Variants in NUP133 observed in about 807,000 individuals in gnomAD.
The protein encoded by NUP133 is nuclear pore complex protein Nup133.
In NUP133, 66 loss-of-function variants were observed where a neutral mutation model predicts 146.2. The ratio of observed to expected loss-of-function variants is 0.45; its 90% CI spans 0.37 to 0.55. NUP133 has a LOEUF of 0.55. Among genes scored for constraint, NUP133 ranks in the 20% least tolerant of loss-of-function variants. NUP133 has a pLI of 0.00. For synonymous variants in NUP133, 521 were observed against 498.8 expected, an observed-to-expected ratio of 1.04 and a Z score of -0.59; for missense variants, 1,277 against 1,374.8, an observed-to-expected ratio of 0.93 and a Z score of 1.12.
chr1:229,502,109 G>GA lies in NUP133; in HGVS notation c.302-8dup. The stretch of plus-strand genomic sequence containing the variant: ...ATGGTCAGCTGGTCATCGACTAAAG[G>GA]AAAAAATGAGGTGGGTGATTAATCT... On this transcript the variant is annotated splice_region_variant and splice_polypyrimidine_tract_variant and intron_variant, in intron 2 of 25. Coordinates refer to ENST00000261396, the MANE Select transcript of NUP133 (RefSeq NM_018230.3). 1.3e-6 allele frequency: 2 copies of GA among 1,596,610 alleles called. No individual in the cohort carries two copies. Among genetic ancestry groups the GA allele is most frequent in the Non-Finnish European group, 1.7e-6 (2 of 1,165,872 alleles).
In NUP133 at chr1:229,458,314, A is replaced by T; in HGVS notation, c.2845-18T>A. On this transcript the variant is annotated intron_variant, in intron 20 of 25. Coordinates refer to ENST00000261396, the MANE Select transcript of NUP133 (RefSeq NM_018230.3). ...GCATGAGCCTACAATAAAATATGCAAACCATCGTAAGATACTGAGTACCAA... is the reference window on the plus strand; with the variant it reads ...GCATGAGCCTACAATAAAATATGCATACCATCGTAAGATACTGAGTACCAA... The T allele has an allele frequency of 6.2e-7, 1 of 1,608,742 alleles. No homozygotes were observed. Among genetic ancestry groups the T allele is most frequent in the South Asian group, 1.1e-5 (1 of 90,562 alleles).
intron 21 of NUP133, among the ~76,000 whole-genome samples, chr1:229,455,611 G>C (rs1660542793): frequency 6.6e-6 from 1 of 151,946 alleles, no homozygotes; most frequent in African/African-American, 2.4e-5. Flanking sequence ...CAAATCTACA[G>C]AAAAAATTTT....
At chr1:229,486,321 C>T (rs1457014101) in intron 11 of NUP133, 50 bp downstream of exon 11, 2 of 1,498,032 alleles carry the variant, frequency 1.3e-6, no homozygotes, top group Non-Finnish European at 1.8e-6. Flanking sequence ...GACACTATCT[C>T]TAAAAAATAA....
intron 12 of NUP133, among the ~76,000 whole-genome samples, chr1:229,482,200 T>C (rs940306459): frequency 1.3e-5 from 2 of 152,050 alleles, no homozygotes; most frequent in Non-Finnish European, 2.9e-5. Flanking sequence ...GCTCAGTAGA[T>C]CACGAGGTAC....
intron 15 of NUP133, among the ~76,000 whole-genome samples, chr1:229,469,160 T>G (rs1296720954): frequency 6.6e-6 from 1 of 152,214 alleles, no homozygotes; most frequent in Admixed American, 6.5e-5. Flanking sequence ...AATTCCAAAT[T>G]TCACAGAGCT....
At chr1:229,444,796 G>A (rs577937120) in intron 25 of NUP133, 118 bp downstream of exon 25, 20 of 657,374 alleles carry the variant, frequency 3.0e-5, no homozygotes, top group Admixed American at 5.2e-5. Flanking sequence ...GCACTGAGCC[G>A]AGATCATACC....
In NUP133 at chr1:229,449,867, ATATATATTTTTTTTTT is replaced by A. The variant is rs1225524824; in HGVS notation, c.3180+642_3180+657del. ...ATGAAGATTTTATATATATATATAT[ATATATATTTTTTTTTT>A]TTTTTTTTTTTTTTTTGAGACAGTC... On this transcript the variant is annotated intron_variant, in intron 23 of 25. Coordinates refer to ENST00000261396, the MANE Select transcript of NUP133 (RefSeq NM_018230.3). 7.3e-4 allele frequency among the ~76,000 whole-genome samples: 75 copies of A among 102,102 alleles called. 1 individual carries two copies. The highest frequency in any genetic ancestry group is 3.2e-3 in the African/African-American group (71 of 22,494). The allele number at this position is 102,102 out of a possible 152,430, so 67.0% of individuals were successfully genotyped here.
Position 229,486,506 on chromosome 1 carries a change from A to C in NUP133, c.1365T>G (p.Gly455=). 6.2e-7 allele frequency: 1 copy of C among 1,608,980 alleles called. No individual in the cohort carries two copies. The highest frequency in any genetic ancestry group is 1.3e-5 in the African/African-American group (1 of 74,354). Reference sequence around the variant, plus strand: ...AAATGATAGGAACACCACCACAGGCACCAGCACCTAAAACACTATCTCCTA... The same window carrying C: ...AAATGATAGGAACACCACCACAGGCCCCAGCACCTAAAACACTATCTCCTA... ...NAQGDSVLGA[G]ACGGVPIIFS... The change falls in exon 11 of 26, where the codon GGT becomes GGG. Residue 455 remains glycine (G), a synonymous_variant. Coordinates refer to ENST00000261396, the MANE Select transcript of NUP133 (RefSeq NM_018230.3).
intron 13 of NUP133, among the ~76,000 whole-genome samples, chr1:229,477,333 G>T (rs1490257029): frequency 6.6e-6 from 1 of 151,470 alleles, no homozygotes; most frequent in Non-Finnish European, 1.5e-5. Context: ...CCAGCTACTC[G>T]GGAGGCTGAG....
intron 14 of NUP133, among the ~76,000 whole-genome samples, chr1:229,473,547 C>T (rs575149141): frequency 5.3e-5 from 8 of 152,138 alleles, no homozygotes; most frequent in East Asian, 3.9e-4. Context: ...TTTAGTGTGG[C>T]GAATCAGGTC....
At position 229,487,631 on chromosome 1, in the gene NUP133, G is replaced by T. The variant is rs771932379; in HGVS notation, c.1195-18C>A. ...TCTTCAGACTGAAAGTTAAATTTAA[G>T]ATTACATTTAACAAGAAGTAAAACA... On this transcript the variant is annotated intron_variant, in intron 9 of 25. Transcript: ENST00000261396. The T allele has an allele frequency of 1.9e-6, 3 of 1,567,364 alleles. No individual in the cohort carries two copies. Among genetic ancestry groups the T allele is most frequent in the Non-Finnish European group, 1.7e-6 (2 of 1,157,658 alleles).
intron 13 of NUP133, among the ~76,000 whole-genome samples, 170 bp downstream of exon 13, chr1:229,477,427 C>T (rs541155548): frequency 7.2e-6 from 1 of 137,934 alleles, no homozygotes; most frequent in South Asian, 2.3e-4. Context: ...GTGACAGAGC[C>T]TTGCTCTGTC....
At chr1:229,495,102 G>A (rs1209107287) in intron 8 of NUP133, among the ~76,000 whole-genome samples, 2 of 152,170 alleles carry the variant, frequency 1.3e-5, no homozygotes, top group Non-Finnish European at 2.9e-5. Context: ...CGCACTAAAA[G>A]AACAGGCTGG....
At chr1:229,454,007 T>C (rs1479996698) in intron 21 of NUP133, among the ~76,000 whole-genome samples, 2 of 152,192 alleles carry the variant, frequency 1.3e-5, no homozygotes, top group African/African-American at 4.8e-5. Flanking sequence ...CCGAAATATA[T>C]TGATTGAAAA....
At chr1:229,505,574 A>AC (rs1661912524) in intron 2 of NUP133, among the ~76,000 whole-genome samples, 1 of 147,030 alleles carries the variant, frequency 6.8e-6, no homozygotes, top group Admixed American at 6.8e-5. Context: ...TAAAAAAAAA[A>AC]AAAAAAAAAA....
At chr1:229,447,689 G>T (rs1660341835) in intron 24 of NUP133, among the ~76,000 whole-genome samples, 1 of 152,144 alleles carries the variant, frequency 6.6e-6, no homozygotes. Flanking sequence ...CAAAACGACA[G>T]GGTTTGAAGA....
intron 8 of NUP133, among the ~76,000 whole-genome samples, chr1:229,492,202 G>A (rs1241464844): frequency 2.0e-5 from 3 of 151,810 alleles, no homozygotes; most frequent in Non-Finnish European, 2.9e-5. Context: ...CGCCTCCTGG[G>A]TTCAAGCAAT....
chr1:229,473,063 G>T (rs1217922634), intron 14 of NUP133, among the ~76,000 whole-genome samples: 1 of 151,988 alleles, frequency 6.6e-6, no homozygotes, highest in Non-Finnish European at 1.5e-5. Context: ...ACCAGCCTGG[G>T]CAACATTATG....
Position 229,470,704 on chromosome 1 carries a change from A to AT in NUP133, c.1951dup (p.Ile651AsnfsTer12). 6.2e-7 allele frequency: 1 copy of AT among 1,614,222 alleles called. No individual in the cohort carries two copies. The highest frequency in any genetic ancestry group is 8.5e-7 in the Non-Finnish European group (1 of 1,180,036). ...CCGGGAGTGGTGGTTCTTGAGAACA[A>AT]TGGCGGCTGACAGCTTTTCGGCATG... On this transcript the variant is annotated frameshift_variant, in exon 15 of 26. Transcript: ENST00000261396. LOFTEE classifies it high-confidence loss of function.
Sources: allele counts gnomAD v4.1 joint callset (sites outside exome capture counted in the v4.1 genomes callset), GRCh38; gene constraint gnomAD v4.1.1; transcripts MANE v1.5; gene names NCBI Gene and HGNC (gene_info 2026-07-23, HGNC 2026-07-21).